Variants in NEK10 observed in about 807,000 individuals in gnomAD.
The protein encoded by NEK10 is NIMA related kinase 10, also known as serine/threonine-protein kinase Nek10.
NEK10 carries 122 observed loss-of-function variants against 159.8 expected under a neutral mutation model. The observed-to-expected ratio is 0.76, with a 90% CI of 0.66 to 0.89. The LOEUF is 0.89. Among genes scored for constraint, NEK10 ranks in the 40% least tolerant of loss-of-function variants. The pLI, the probability that NEK10 is intolerant of heterozygous loss-of-function variation, is 0.00. For missense variants in NEK10, 1,342 were observed against 1,323.1 expected (o/e 1.01, Z -0.22); for synonymous variants, 466 against 457.1 (o/e 1.02, Z -0.25).
intron 7 of NEK10, among the ~76,000 whole-genome samples, chr3:27,313,459 C>A (rs1384423475): frequency 6.6e-6 from 1 of 151,996 alleles, no homozygotes; most frequent in Non-Finnish European, 1.5e-5. Flanking sequence ...GCACAGTAAT[C>A]ATTTTCTTGT....
chr3:27,295,100 C>A (rs1264124896), intron 15 of NEK10, among the ~76,000 whole-genome samples: 2 of 152,160 alleles, frequency 1.3e-5, no homozygotes, highest in African/African-American at 2.4e-5. Context: ...GCCCCCACAA[C>A]CACACACCCC....
In NEK10 at chr3:27,142,690, T is replaced by A. The variant is rs1943903596; in HGVS notation, c.2870-1108A>T. 2.6e-5 allele frequency among the ~76,000 whole-genome samples: 4 copies of A among 152,308 alleles called. No individual in the cohort carries two copies. The South Asian group carries it at 8.3e-4, about 32-fold the overall frequency. On this transcript the variant is annotated intron_variant, in intron 30 of 35. Transcript: ENST00000691995. The stretch of plus-strand genomic sequence containing the variant: ...TGCATATTTTACCATAAATATTTTG[T>A]TTTCAAGACATTTAAAGAGAACATT...
In NEK10 at chr3:27,206,636, C is replaced by T. The variant is rs890283564; in HGVS notation, c.2091-4079G>A. On this transcript the variant is annotated intron_variant, in intron 23 of 35. Transcript: ENST00000691995. ...ATTGAAACCATATGCTGGTAACTCGCAGACCTAATTTCCATTCTTCAAGCC... is the reference window on the plus strand; with the variant it reads ...ATTGAAACCATATGCTGGTAACTCGTAGACCTAATTTCCATTCTTCAAGCC... The T allele has an allele frequency of 1.2e-5, 12 of 985,200 alleles. No homozygotes were observed. The South Asian group carries it at 3.8e-4, about 31-fold the overall frequency. The allele number at this position is 985,200 out of a possible 1,614,324, so 61.0% of individuals were successfully genotyped here. A position where few individuals can be genotyped will look rare whatever the true frequency, so the allele number is the denominator to read the frequency against.
At chr3:27,213,342 T>C (rs1295162666) in intron 23 of NEK10, among the ~76,000 whole-genome samples, 1 of 152,212 alleles carries the variant, frequency 6.6e-6, no homozygotes, top group Non-Finnish European at 1.5e-5. Flanking sequence ...TCACATTTTA[T>C]TAAAACTGAT....
Position 27,109,029 on chromosome 3 carries a change from A to C in NEK10, c.*2243T>G, listed in dbSNP as rs1939251808. 6.6e-6 allele frequency among the ~76,000 whole-genome samples: 1 copy of C among 152,222 alleles called. No individual in the cohort carries two copies. The highest frequency in any genetic ancestry group is 1.5e-5 in the Non-Finnish European group (1 of 68,046). On this transcript the variant is annotated 3_prime_UTR_variant, in exon 36 of 36. Transcript: ENST00000691995. ...TTGTTAAAAAGGACAGCTTCTGCTT[A>C]CTTAACTTTCACTGACTTCTAGCAT...
At chr3:27,220,314 T>C (rs1432195519) in intron 23 of NEK10, among the ~76,000 whole-genome samples, 2 of 152,218 alleles carry the variant, frequency 1.3e-5, no homozygotes, top group Admixed American at 1.3e-4. Flanking sequence ...CCTTGCCTTT[T>C]TCCAGCTTCT....
intron 23 of NEK10, among the ~76,000 whole-genome samples, chr3:27,213,505 C>T (rs934935980): frequency 6.6e-6 from 1 of 152,164 alleles, no homozygotes; most frequent in Non-Finnish European, 1.5e-5. Context: ...ATATATGACT[C>T]CTAGGTTTTA....
rs1438740383 is a variant in NEK10 at position 27,205,553 on chromosome 3, G to A, written c.2091-2996C>T. 6.0e-3 allele frequency among the ~76,000 whole-genome samples: 723 copies of A among 120,860 alleles called. 11 individuals carry two copies. The highest frequency in any genetic ancestry group is 0.041 in the Middle Eastern group (10 of 246). 79.3% of individuals were successfully genotyped at this position (120,860 alleles called of 152,430 possible). A position where few individuals can be genotyped will look rare whatever the true frequency, so the allele number is the denominator to read the frequency against. ...GAACAGAGCCCTCAGAAATAATGCC[G>A]CATACCTACAACTATCTGATCTTTG... is the stretch of plus-strand genomic sequence containing the variant. On this transcript the variant is annotated intron_variant, in intron 23 of 35. Transcript: ENST00000691995.
At chr3:27,126,941 T>C (rs1942029893) in intron 32 of NEK10, among the ~76,000 whole-genome samples, 1 of 152,094 alleles carries the variant, frequency 6.6e-6, no homozygotes. Context: ...GCAGCTTTGA[T>C]GGGAGAGCTG....
rs553568535 is a variant in NEK10, at chr3:27,204,076, A to G, written c.2091-1519T>C. ...TTGGCTCCCCACAGACAAATTTCTC[A>G]TATTCTCATCTACTGAGATCTCAGA... On this transcript the variant is annotated intron_variant, in intron 23 of 35. Transcript: ENST00000691995. Among the ~76,000 whole-genome samples, 7 of 152,212 alleles carry G rather than the reference A, an allele frequency of 4.6e-5. No individual in the cohort carries two copies. The East Asian group carries it at 1.4e-3, about 29-fold the overall frequency.
intron 22 of NEK10, among the ~76,000 whole-genome samples, chr3:27,279,233 T>C (rs1342766262): frequency 6.6e-6 from 1 of 152,236 alleles, no homozygotes; most frequent in Non-Finnish European, 1.5e-5. Flanking sequence ...GAAAGCTTTT[T>C]TTTCTGATCA....
Position 27,110,598 on chromosome 3 carries a change from C to T in NEK10, c.*674G>A, listed in dbSNP as rs1169740578. On this transcript the variant is annotated 3_prime_UTR_variant, in exon 36 of 36. Transcript: ENST00000691995. ...CTGTACAGCAATATATTCTATTAGTCTAAGTTAAATCTGACAGTTTGACAG... is the reference window on the plus strand; with the variant it reads ...CTGTACAGCAATATATTCTATTAGTTTAAGTTAAATCTGACAGTTTGACAG... 1 of 151,964 alleles carries T rather than the reference C, an allele frequency of 6.6e-6. No homozygotes were observed. Among genetic ancestry groups the T allele is most frequent in the African/African-American group, 2.4e-5 (1 of 41,342 alleles). The allele number at this position is 151,964 out of a possible 1,614,324, so 9.4% of individuals were successfully genotyped here. A position where few individuals can be genotyped will look rare whatever the true frequency, so the allele number is the denominator to read the frequency against.
intron 16 of NEK10, among the ~76,000 whole-genome samples, chr3:27,292,733 C>G (rs2043085690): frequency 7.1e-6 from 1 of 141,808 alleles, no homozygotes; most frequent in African/African-American, 2.8e-5. Flanking sequence ...ACTCAGGAGG[C>G]TGAGGCAGGA....
chr3:27,259,201 G>T (rs2040176627), intron 22 of NEK10, among the ~76,000 whole-genome samples: 1 of 152,092 alleles, frequency 6.6e-6, no homozygotes, highest in Non-Finnish European at 1.5e-5. Flanking sequence ...TTCTTTTGCT[G>T]TGCAGAAGCT....
Position 27,106,700 on chromosome 3 carries a change from A to G in NEK10, c.*4572T>C, listed in dbSNP as rs1375966302. On this transcript the variant is annotated 3_prime_UTR_variant, in exon 36 of 36. Coordinates refer to ENST00000691995, the MANE Select transcript of NEK10 (RefSeq NM_001394966.1). ...ATTTCTGGCACAAACTTCTCTCTGC[A>G]TGTTTTATGGGACCAGTTTTTCACA... Among the ~76,000 whole-genome samples, 2 of 152,202 alleles carry G rather than the reference A, an allele frequency of 1.3e-5. No homozygotes were observed. Among genetic ancestry groups the G allele is most frequent in the African/African-American group, 4.8e-5 (2 of 41,466 alleles).
At chr3:27,183,959 G>A (rs967847025) in intron 26 of NEK10, among the ~76,000 whole-genome samples, 9 of 152,132 alleles carry the variant, frequency 5.9e-5, no homozygotes, top group Admixed American at 2.6e-4. Flanking sequence ...GATGTGGAAC[G>A]TCTAGAACTC....
intron 5 of NEK10, among the ~76,000 whole-genome samples, chr3:27,330,657 GC>G: frequency 6.6e-6 from 1 of 152,206 alleles, no homozygotes; most frequent in Middle Eastern, 3.4e-3. Context: ...AACAATCTTA[GC>G]CTCAATGTTC....
chr3:27,259,727 TTAAAG>T (rs1422271309), intron 22 of NEK10, among the ~76,000 whole-genome samples: 11 of 152,188 alleles, frequency 7.2e-5, no homozygotes, highest in Non-Finnish European at 1.3e-4. Flanking sequence ...CATATGAACT[TTAAAG>T]TAGTTTTTTC....
chr3:27,350,632 G>A (rs1559546187), intron 3 of NEK10, among the ~76,000 whole-genome samples: 1 of 152,028 alleles, frequency 6.6e-6, no homozygotes, highest in Non-Finnish European at 1.5e-5. Context: ...TTTTGTACAT[G>A]TGAAAGATTT....
Sources: gnomAD v4.1 joint callset for allele counts (sites outside exome capture counted in the v4.1 genomes callset) on GRCh38, gnomAD v4.1.1 for gene constraint, MANE v1.5 for transcripts, NCBI Gene and HGNC (gene_info 2026-07-23, HGNC 2026-07-21) for gene names.